RFTN1: variants seen among roughly 807,000 people sequenced by gnomAD.
RFTN1 encodes the protein raftlin.
Under a neutral mutation model 46.5 loss-of-function variants are expected in RFTN1, and 26 were observed. The observed-to-expected ratio is 0.56, with a 90% CI of 0.41 to 0.78. The LOEUF is 0.78. RFTN1 is among the 30% of genes least tolerant of loss of function. The pLI, the probability that RFTN1 is intolerant of heterozygous loss-of-function variation, is 0.00. For synonymous variants in RFTN1, 261 were observed against 284.2 expected, an observed-to-expected ratio of 0.92 and a Z score of 0.82; for missense variants, 693 against 718.7, an observed-to-expected ratio of 0.96 and a Z score of 0.41.
At chr3:16,432,475 GC>G (rs2075408271) in intron 3 of RFTN1, among the ~76,000 whole-genome samples, 1 of 152,076 alleles carries the variant, frequency 6.6e-6, no homozygotes, top group African/African-American at 2.4e-5. Flanking sequence ...CTGAGATCAT[GC>G]CACTGTGCTC....
At chr3:16,388,060 T>C (rs1259865975) in intron 4 of RFTN1, among the ~76,000 whole-genome samples, 3 of 152,242 alleles carry the variant, frequency 2.0e-5, no homozygotes, top group African/African-American at 7.2e-5. Flanking sequence ...TCCCAACCCT[T>C]GCCCTGCCCC....
rs150375335 is a variant in RFTN1, at chr3:16,387,865, GCT to G, written c.442-9765_442-9764del. On this transcript the variant is annotated intron_variant, in intron 4 of 9. Coordinates refer to ENST00000334133, the MANE Select transcript of RFTN1 (RefSeq NM_015150.2). The surrounding 1 kb of genome is among the most constrained non-coding windows in gnomAD (Gnocchi z 5.2). The stretch of plus-strand genomic sequence containing the variant: ...CCTCACCACCCCATCCTCTCTGGTA[GCT>G]CATGCATTCCCCTCCTCCTGGAGAT... Among the ~76,000 whole-genome samples the G allele has an allele frequency of 3.8e-3, 580 of 152,046 alleles. 10 individuals are homozygous for G. The highest frequency in any genetic ancestry group is 0.013 in the African/African-American group (559 of 41,484).
chr3:16,330,672 C>T (rs538178848), intron 7 of RFTN1, among the ~76,000 whole-genome samples: 3 of 152,326 alleles, frequency 2.0e-5, no homozygotes, highest in Admixed American at 6.5e-5. Flanking sequence ...TGTGGTTTTT[C>T]AACTCGTATA....
At chr3:16,444,389 A>G (rs1398963292) in intron 2 of RFTN1, among the ~76,000 whole-genome samples, 9 of 152,184 alleles carry the variant, frequency 5.9e-5, no homozygotes. Context: ...TTAAGACTTA[A>G]TTTCTTCATA....
intron 3 of RFTN1, among the ~76,000 whole-genome samples, chr3:16,430,707 C>A (rs781296174): frequency 4.6e-5 from 7 of 152,172 alleles, no homozygotes; most frequent in Admixed American, 1.3e-4. Flanking sequence ...AAGGAATTTC[C>A]TTCTCTGGAT....
chr3:16,481,014 C>CAG lies in RFTN1; in HGVS notation c.145+12710_145+12711insCT, dbSNP rs2076357928. Among the ~76,000 whole-genome samples, 1 of 151,604 alleles carries CAG rather than the reference C, an allele frequency of 6.6e-6. No individual in the cohort carries two copies. The stretch of plus-strand genomic sequence containing the variant: ...ACACACACAGACACACACACACACA[C>CAG]ACACACACACACACACCTGAGCCCA... On this transcript the variant is annotated intron_variant, in intron 2 of 9. Transcript: ENST00000334133. The surrounding 1 kb of genome is among the most constrained non-coding windows in gnomAD (Gnocchi z 5.1).
In RFTN1 at chr3:16,450,714, TC is replaced by T. The variant is rs1427414069; in HGVS notation, c.146-16678del. ...TAATCTAGTGTCTGTTCCACAACCT[TC>T]AGAGAAGGTGTTATTTTGCCTTCTC... On this transcript the variant is annotated intron_variant, in intron 2 of 9. Transcript: ENST00000334133. The surrounding 1 kb of genome is among the most constrained non-coding windows in gnomAD (Gnocchi z 4.6). 6.6e-6 allele frequency among the ~76,000 whole-genome samples: 1 copy of T among 152,174 alleles called. No homozygotes were observed. Among genetic ancestry groups the T allele is most frequent in the Non-Finnish European group, 1.5e-5 (1 of 68,028 alleles).
intron 9 of RFTN1, among the ~76,000 whole-genome samples, chr3:16,319,167 G>A (rs13320451): frequency 0.24 from 35,835 of 152,008 alleles, 5,893 homozygotes; most frequent in African/African-American, 0.48. Context: ...AACAGTCAGA[G>A]CCTCTTCACA....
In RFTN1 at chr3:16,351,695, AC is replaced by A. The variant is rs1417282883; in HGVS notation, c.1146+6236del. 1.3e-5 allele frequency among the ~76,000 whole-genome samples: 2 copies of A among 152,170 alleles called. No individual in the cohort carries two copies. The highest frequency in any genetic ancestry group is 4.8e-5 in the African/African-American group (2 of 41,442). On this transcript the variant is annotated intron_variant, in intron 7 of 9. Coordinates refer to ENST00000334133, the MANE Select transcript of RFTN1 (RefSeq NM_015150.2). This position sits in a 1 kb window ranked among gnomAD's most constrained non-coding sequence, Gnocchi z 5.4. The stretch of plus-strand genomic sequence containing the variant: ...CAGGGGTAAGCTGTATATAAGTTAG[AC>A]CCATTATCCTAATTACATGTCTTAA...
In RFTN1 at chr3:16,426,733, G is replaced by A. The variant is rs2125480927; in HGVS notation, c.332+7118C>T. On this transcript the variant is annotated intron_variant, in intron 3 of 9. Coordinates refer to ENST00000334133, the MANE Select transcript of RFTN1 (RefSeq NM_015150.2). This position sits in a 1 kb window ranked among gnomAD's most constrained non-coding sequence, Gnocchi z 5.9. ...TACTTGAGGTCTGTGCTATGTGGCT[G>A]CATTATTAAGATATACTTTTGGTAC... is the stretch of plus-strand genomic sequence containing the variant. Among the ~76,000 whole-genome samples the A allele has an allele frequency of 6.6e-6, 1 of 151,384 alleles. No individual in the cohort carries two copies. Among genetic ancestry groups the A allele is most frequent in the African/African-American group, 2.4e-5 (1 of 41,144 alleles).
chr3:16,508,268 T>C (rs1458125351), intron 1 of RFTN1, among the ~76,000 whole-genome samples: 2 of 152,164 alleles, frequency 1.3e-5, no homozygotes, highest in African/African-American at 4.8e-5. Flanking sequence ...GCCTTCTCCA[T>C]CAATCCCTGC....
chr3:16,464,260 G>A (rs2076053109), intron 2 of RFTN1, among the ~76,000 whole-genome samples: 1 of 152,076 alleles, frequency 6.6e-6, no homozygotes, highest in African/African-American at 2.4e-5. Context: ...TTCCGTCCAA[G>A]CAAAGCCCAG....
At position 16,317,616 on chromosome 3, in the gene RFTN1, A is replaced by G. The variant is rs2068554068; in HGVS notation, c.1333-384T>C. Among the ~76,000 whole-genome samples, 1 of 152,106 alleles carries G rather than the reference A, an allele frequency of 6.6e-6. No individual in the cohort carries two copies. The highest frequency in any genetic ancestry group is 1.9e-4 in the East Asian group (1 of 5,178). ...GTAAGAGCCAGAGCTGCAGCTACTC[A>G]TTTCCATTCTGAGCAGGCTGAGGAT... On this transcript the variant is annotated intron_variant, in intron 9 of 9. Coordinates refer to ENST00000334133, the MANE Select transcript of RFTN1 (RefSeq NM_015150.2). This position sits in a 1 kb window ranked among gnomAD's most constrained non-coding sequence, Gnocchi z 4.3.
In RFTN1 at chr3:16,457,706, G is replaced by A. The variant is rs949123075; in HGVS notation, c.146-23669C>T. ...AATTTCACAGTGGAGCAGGGAATAA[G>A]TATACACACAACTATTAGACAAAGG... On this transcript the variant is annotated intron_variant, in intron 2 of 9. Transcript: ENST00000334133. This position sits in a 1 kb window ranked among gnomAD's most constrained non-coding sequence, Gnocchi z 4.2. Among the ~76,000 whole-genome samples the A allele has an allele frequency of 3.4e-4, 52 of 152,282 alleles. No individual in the cohort carries two copies. The highest frequency in any genetic ancestry group is 1.2e-3 in the African/African-American group (50 of 41,560).
At chr3:16,441,298 C>T (rs1299409447) in intron 2 of RFTN1, among the ~76,000 whole-genome samples, 4 of 21,394 alleles carry the variant, frequency 1.9e-4, no homozygotes, top group Non-Finnish European at 2.7e-4. Context: ...ATTCCAAGAA[C>T]TAAAAAAAAA....
intron 3 of RFTN1, among the ~76,000 whole-genome samples, chr3:16,412,475 A>G (rs1382235782): frequency 6.6e-6 from 1 of 152,184 alleles, no homozygotes; most frequent in Admixed American, 6.5e-5. Flanking sequence ...ACAGCATTAA[A>G]TCCACTAGCA....
rs1234326513 is a variant in RFTN1, at chr3:16,493,756, G to A, written c.114C>T (p.Tyr38=). The change falls in exon 2 of 10, where the codon TAC becomes TAT. Residue 38 remains tyrosine (Y), a synonymous_variant. Coordinates refer to ENST00000334133, the MANE Select transcript of RFTN1 (RefSeq NM_015150.2). ...TCAGAGTCGTGAACTCCAGGAAGCGGTATTCATAGGACACATCTATCTTGG... is the reference window on the plus strand; with the variant it reads ...TCAGAGTCGTGAACTCCAGGAAGCGATATTCATAGGACACATCTATCTTGG... ...VETKIDVSYE[Y]RFLEFTTLSA... The A allele has an allele frequency of 6.2e-7, 1 of 1,613,688 alleles. No homozygotes were observed. Among genetic ancestry groups the A allele is most frequent in the African/African-American group, 1.3e-5 (1 of 74,776 alleles).
intron 1 of RFTN1, among the ~76,000 whole-genome samples, chr3:16,510,778 C>T (rs2076886665): frequency 6.6e-6 from 1 of 152,114 alleles, no homozygotes; most frequent in Non-Finnish European, 1.5e-5. Context: ...TAGGTGTTTA[C>T]CCATGAGAAA....
Position 16,512,659 on chromosome 3 carries a change from G to A in RFTN1, c.-9+783C>T, listed in dbSNP as rs1044091408. 2 of 152,450 alleles carry A rather than the reference G, an allele frequency of 1.3e-5. No homozygotes were observed. The highest frequency in any genetic ancestry group is 4.8e-5 in the African/African-American group (2 of 41,454). 9.4% of individuals were successfully genotyped at this position (152,450 alleles called of 1,614,324 possible). A position where few individuals can be genotyped will look rare whatever the true frequency, so the allele number is the denominator to read the frequency against. The stretch of plus-strand genomic sequence containing the variant: ...ACCAGCCCTGGCCTAGGACTGGGGT[G>A]CGCGTGCCTGACAACGGGGCTTCCC... On this transcript the variant is annotated intron_variant, in intron 1 of 9. Transcript: ENST00000334133. The surrounding 1 kb of genome is among the most constrained non-coding windows in gnomAD (Gnocchi z 4.3).
Sources: allele counts gnomAD v4.1 joint callset (sites outside exome capture counted in the v4.1 genomes callset), GRCh38; gene constraint gnomAD v4.1.1; non-coding constraint Gnocchi (gnomAD v3.1); transcripts MANE v1.5; gene names NCBI Gene and HGNC (gene_info 2026-07-23, HGNC 2026-07-21).